Variants in TMEM108 observed in about 807,000 individuals in gnomAD.
TMEM108 encodes cancer/testis antigen 124.
A neutral mutation model predicts 35.1 loss-of-function variants in TMEM108; 12 were observed. The ratio of observed to expected loss-of-function variants is 0.34; its 90% confidence interval spans 0.22 to 0.55. The LOEUF is 0.55. TMEM108 is among the 20% of genes least tolerant of loss of function. The probability of loss-of-function intolerance (pLI) is 0.89; values close to 1 mark genes in which losing one functional copy is unlikely to be tolerated. For synonymous variants in TMEM108, 287 were observed against 308.6 expected, an observed-to-expected ratio of 0.93 and a Z score of 0.73; for missense variants, 680 against 753.3, an observed-to-expected ratio of 0.90 and a Z score of 1.14.
chr3:133,109,449 G>C (rs1944199396), intron 2 of TMEM108, among the ~76,000 whole-genome samples: 1 of 151,516 alleles, frequency 6.6e-6, no homozygotes, highest in Non-Finnish European at 1.5e-5. Flanking sequence ...TCAACATAGT[G>C]AGACCCCGTT....
chr3:133,094,217 T>TCCCCCCCCCCCC (rs1576314941), intron 2 of TMEM108, among the ~76,000 whole-genome samples: 10 of 41,458 alleles, frequency 2.4e-4, no homozygotes, highest in South Asian at 1.1e-3. Context: ...CCTTCCCACC[T>TCCCCCCCCCCCC]CCCACCCCAC....
intron 3 of TMEM108, among the ~76,000 whole-genome samples, chr3:133,236,400 A>AC (rs1372217436): frequency 6.6e-6 from 1 of 151,726 alleles, no homozygotes; most frequent in Admixed American, 6.6e-5. Context: ...AGGAAAATAC[A>AC]CCCCCTTTTC....
At chr3:133,188,044 C>T (rs1179289219) in intron 2 of TMEM108, among the ~76,000 whole-genome samples, 1 of 152,048 alleles carries the variant, frequency 6.6e-6, no homozygotes, top group Non-Finnish European at 1.5e-5. Flanking sequence ...TAGTCTTTGC[C>T]TGCTTTCTTG....
At chr3:133,236,352 C>G (rs1295118132) in intron 3 of TMEM108, among the ~76,000 whole-genome samples, 1 of 152,068 alleles carries the variant, frequency 6.6e-6, no homozygotes, top group Non-Finnish European at 1.5e-5. Flanking sequence ...AAAAGAACTA[C>G]TGGTATGGAT....
chr3:133,345,060 T>C (rs1009167934), intron 3 of TMEM108, among the ~76,000 whole-genome samples: 6 of 151,880 alleles, frequency 4.0e-5, no homozygotes, highest in African/African-American at 1.4e-4. Context: ...TATTTAAAGC[T>C]TCTTGGTTTG....
chr3:133,286,734 A>G (rs530008526), intron 3 of TMEM108, among the ~76,000 whole-genome samples: 127 of 152,366 alleles, frequency 8.3e-4, no homozygotes, highest in African/African-American at 3.0e-3. Context: ...AGCAAGGGGA[A>G]CAAAACAGTA....
chr3:133,168,441 C>CA (rs1265740381), intron 2 of TMEM108, among the ~76,000 whole-genome samples: 12 of 152,254 alleles, frequency 7.9e-5, no homozygotes, highest in African/African-American at 2.9e-4. Flanking sequence ...GGATTGAACA[C>CA]ATCCTTTTCT....
intron 2 of TMEM108, among the ~76,000 whole-genome samples, chr3:133,058,635 C>G (rs1394459907): frequency 6.6e-6 from 1 of 152,232 alleles, no homozygotes; most frequent in Non-Finnish European, 1.5e-5. Flanking sequence ...AGAGAGGAGA[C>G]CAAGAGGTGC....
At chr3:133,161,028 C>G (rs1283380877) in intron 2 of TMEM108, among the ~76,000 whole-genome samples, 1 of 152,136 alleles carries the variant, frequency 6.6e-6, no homozygotes, top group Non-Finnish European at 1.5e-5. Flanking sequence ...AATGAACATT[C>G]TATCATATCG....
chr3:133,259,366 T>C (rs1424276175), intron 3 of TMEM108, among the ~76,000 whole-genome samples: 1 of 152,184 alleles, frequency 6.6e-6, no homozygotes, highest in Non-Finnish European at 1.5e-5. Flanking sequence ...AGGAAGCCAT[T>C]GAGAAGTGGG....
intron 3 of TMEM108, among the ~76,000 whole-genome samples, chr3:133,333,888 G>A (rs1039146729): frequency 6.6e-6 from 1 of 152,204 alleles, no homozygotes; most frequent in Admixed American, 6.5e-5. Flanking sequence ...CTGGGGATCA[G>A]GAGATTGAAT....
intron 2 of TMEM108, among the ~76,000 whole-genome samples, chr3:133,084,526 G>A (rs1340741121): frequency 6.6e-6 from 1 of 152,188 alleles, no homozygotes; most frequent in Non-Finnish European, 1.5e-5. Context: ...GGTGATTCAT[G>A]TGCTGGAATG....
intron 3 of TMEM108, among the ~76,000 whole-genome samples, chr3:133,340,852 A>C (rs536795058): frequency 9.9e-5 from 15 of 151,924 alleles, no homozygotes; most frequent in African/African-American, 3.4e-4. Flanking sequence ...AAAAGCATTC[A>C]ACAAAATTTA....
intron 5 of TMEM108, 32 bp from the exon 6 acceptor site, chr3:133,395,832 G>C: frequency 6.6e-7 from 1 of 1,513,506 alleles, no homozygotes; most frequent in East Asian, 2.5e-5. Context: ...GCCTTCTCCA[G>C]CTCACTCCAT....
chr3:133,280,870 T>C (rs1946902297), intron 3 of TMEM108, among the ~76,000 whole-genome samples: 1 of 152,214 alleles, frequency 6.6e-6, no homozygotes, highest in East Asian at 1.9e-4. Context: ...TACAGCAGGC[T>C]AGCTCAAACT....
chr3:133,310,449 T>C (rs1349421412), intron 3 of TMEM108, among the ~76,000 whole-genome samples: 4 of 151,942 alleles, frequency 2.6e-5, no homozygotes, highest in Admixed American at 2.6e-4. Context: ...CCCTTTACCA[T>C]TATGTAATGG....
At position 133,079,144 on chromosome 3, in the gene TMEM108, T is replaced by C. The variant is rs148194352; in HGVS notation, c.-47+33124T>C. On this transcript the variant is annotated intron_variant, in intron 2 of 5. Coordinates refer to ENST00000321871, the MANE Select transcript of TMEM108 (RefSeq NM_023943.4). ...GACATAATTGCTGACTGCATTTTAC[T>C]AAACCATTTATTTCCTCCTGGATTT... 4.6e-5 allele frequency among the ~76,000 whole-genome samples: 7 copies of C among 152,334 alleles called. No homozygotes were observed. In the East Asian group the frequency reaches 1.3e-3, roughly 29 times the overall value.
intron 2 of TMEM108, among the ~76,000 whole-genome samples, chr3:133,092,247 A>G (rs1222242340): frequency 6.6e-6 from 1 of 152,238 alleles, no homozygotes; most frequent in Non-Finnish European, 1.5e-5. Flanking sequence ...GGAACCAGCT[A>G]TGTAAAAGAT....
At chr3:133,166,195 GT>G (rs1346728111) in intron 2 of TMEM108, among the ~76,000 whole-genome samples, 1 of 152,202 alleles carries the variant, frequency 6.6e-6, no homozygotes, top group Non-Finnish European at 1.5e-5. Flanking sequence ...TTGTTGGAGG[GT>G]AGGGTTGGGA....
Sources: gnomAD v4.1 joint callset for allele counts (sites outside exome capture counted in the v4.1 genomes callset) on GRCh38, gnomAD v4.1.1 for gene constraint, MANE v1.5 for transcripts, NCBI Gene and HGNC (gene_info 2026-07-23, HGNC 2026-07-21) for gene names.